The following HDAC7 variants were observed in gnomAD, a reference collection of about 807,000 sequenced individuals.
HDAC7 encodes the protein histone deacetylase 7.
HDAC7 carries 26 observed loss-of-function variants against 115.5 expected under a neutral mutation model. The ratio of observed to expected loss-of-function variants is 0.23; its 90% CI spans 0.16 to 0.31. The LOEUF (loss-of-function observed/expected upper bound fraction) is 0.31, where lower values mean the gene tolerates loss of function less well. HDAC7 is among the 10% of genes least tolerant of loss of function. The probability of loss-of-function intolerance (pLI) is 1.00; values close to 1 mark genes in which losing one functional copy is unlikely to be tolerated. For missense variants in HDAC7, 1,068 were observed against 1,329.0 expected, an observed-to-expected ratio of 0.80 and a Z score of 3.05; for synonymous variants, 564 against 550.9, an observed-to-expected ratio of 1.02 and a Z score of -0.33.
At chr12:47,819,442 G>A (rs898212262) in intron 1 of HDAC7, among the ~76,000 whole-genome samples, 12 of 152,292 alleles carry the variant, frequency 7.9e-5, no homozygotes, top group African/African-American at 2.9e-4. Context: ...ATGGGACGTG[G>A]GGCCCGCACA....
intron 1 of HDAC7, among the ~76,000 whole-genome samples, chr12:47,809,689 G>C (rs1944565854): frequency 6.6e-6 from 1 of 151,944 alleles, no homozygotes; most frequent in South Asian, 2.1e-4. Context: ...TCCTGCCTCA[G>C]CCTCCTAAGT....
intron 2 of HDAC7, among the ~76,000 whole-genome samples, chr12:47,800,467 C>T (rs978050415): frequency 2.6e-5 from 4 of 152,202 alleles, no homozygotes; most frequent in African/African-American, 7.2e-5. Flanking sequence ...CCATGTCCCC[C>T]GAATATCAAG....
intron 21 of HDAC7, 90 bp downstream of exon 21, chr12:47,787,622 A>G: frequency 1.2e-6 from 1 of 833,014 alleles, no homozygotes; most frequent in South Asian, 1.7e-5. Context: ...GGACAGGCTG[A>G]CAATCCAACT....
chr12:47,786,181 CCT>C (rs1296499243), intron 22 of HDAC7, among the ~76,000 whole-genome samples: 1 of 152,076 alleles, frequency 6.6e-6, no homozygotes, highest in East Asian at 1.9e-4. Context: ...TGAGCTACAC[CCT>C]CTCTTCTTTC....
chr12:47,791,868 C>T lies in HDAC7; in HGVS notation c.1812+3G>A. 6.2e-7 allele frequency: 1 copy of T among 1,611,176 alleles called. No homozygotes were observed. The highest frequency in any genetic ancestry group is 1.3e-5 in the African/African-American group (1 of 74,826). ...TCCTCGGGCCCCACCCGCGCCTCCT[C>T]ACCTCACACTGGCTCCGGAGCCCCC... is the stretch of plus-strand genomic sequence containing the variant. On this transcript the variant is annotated splice_donor_region_variant and intron_variant, in intron 14 of 25. Transcript: ENST00000080059.
chr12:47,791,671 C>T lies in HDAC7; in HGVS notation c.1848G>A (p.Leu616=). The T allele has an allele frequency of 4.3e-6, 7 of 1,613,752 alleles. No homozygotes were observed. Among genetic ancestry groups the T allele is most frequent in the South Asian group, 1.1e-5 (1 of 91,062 alleles). Residue 616 remains leucine (L), a synonymous_variant, in exon 15 of 26, where the codon CTG becomes CTA. Coordinates refer to ENST00000080059, the MANE Select transcript of HDAC7 (RefSeq NM_015401.5). ...LRGRKASLEE[L]QSVHSERHVL... ...CGTGCCGCTCAGAGTGGACCGACTG[C>T]AGCTCTTCCAGGGAGGCCTTCCGGC...
chr12:47,783,630 C>G lies in HDAC7; in HGVS notation c.*211G>C, dbSNP rs1038705527. 5.0e-6 allele frequency: 3 copies of G among 603,298 alleles called. No individual in the cohort carries two copies. Among genetic ancestry groups the G allele is most frequent in the Non-Finnish European group, 8.9e-6 (3 of 335,910 alleles). 37.4% of individuals were successfully genotyped at this position (603,298 alleles called of 1,614,324 possible). A position where few individuals can be genotyped will look rare whatever the true frequency, so the allele number is the denominator to read the frequency against. ...GCCCTGTGGGGGTCGCCGCCCAGCC[C>G]GTCTCCTCTCAGGGTCCTCTCCAGT... On this transcript the variant is annotated 3_prime_UTR_variant, in exon 26 of 26. Transcript: ENST00000080059.
chr12:47,805,102 G>A (rs1403477872), intron 1 of HDAC7, among the ~76,000 whole-genome samples: 1 of 148,066 alleles, frequency 6.8e-6, no homozygotes, highest in Non-Finnish European at 1.5e-5. Context: ...GTACGGTCTT[G>A]TTCTGATGCC....
chr12:47,787,562 G>C, intron 21 of HDAC7, 150 bp downstream of exon 21: 2 of 609,576 alleles, frequency 3.3e-6, no homozygotes, highest in Non-Finnish European at 5.8e-6. Context: ...TCTTCTCTCT[G>C]TTTGTCCTAT....
intron 14 of HDAC7, 70 bp downstream of exon 14, chr12:47,791,801 G>GCCCCCCCCCCCCCCCCCCCCCAAAACCCA: frequency 6.6e-7 from 1 of 1,511,074 alleles, no homozygotes; most frequent in Non-Finnish European, 9.0e-7. Flanking sequence ...GGGCCCCAGG[G>GCCCCCCCCCCCCCCCCCCCCCAAAACCCA]CCCCCCACCC....
intron 1 of HDAC7, chr12:47,817,594 G>C (rs984560276): frequency 1.3e-5 from 2 of 152,372 alleles, no homozygotes; most frequent in Non-Finnish European, 2.9e-5. Flanking sequence ...GAGCCAAGCT[G>C]TGGAGGGTGG....
At chr12:47,796,446 CAG>C (rs1943850374) in intron 7 of HDAC7, 148 bp from the exon 8 acceptor site, 1 of 485,872 alleles carries the variant, frequency 2.1e-6, no homozygotes, top group African/African-American at 2.4e-5. Flanking sequence ...TTTTTTGAGA[CAG>C]AGTCTTGCTC....
chr12:47,783,907 G>T, intron 25 of HDAC7, 21 bp from the exon 26 acceptor site: 2 of 1,612,986 alleles, frequency 1.2e-6, no homozygotes, highest in Non-Finnish European at 1.7e-6. Context: ...GGACAAGGGT[G>T]GGATGCTGGA....
intron 24 of HDAC7, chr12:47,785,104 C>G (rs1285525508): frequency 1.8e-6 from 1 of 554,246 alleles, no homozygotes. Context: ...TTGCTCTTGA[C>G]CTGGCCCTGG....
In HDAC7 at chr12:47,795,419, AG is replaced by A. The variant is rs1943761638; in HGVS notation, c.1088-40del. The A allele has an allele frequency of 6.8e-7, 1 of 1,474,972 alleles. No homozygotes were observed. The highest frequency in any genetic ancestry group is 9.2e-7 in the Non-Finnish European group (1 of 1,086,340). 91.4% of individuals were successfully genotyped at this position (1,474,972 alleles called of 1,614,324 possible). A position where few individuals can be genotyped will look rare whatever the true frequency, so the allele number is the denominator to read the frequency against. On this transcript the variant is annotated intron_variant, in intron 10 of 25. Transcript: ENST00000080059. This position sits in a 1 kb window ranked among gnomAD's most constrained non-coding sequence, Gnocchi z 4.3. ...GGGGGTGGAATAAGGAGGGAACCACAGGGAGCAATGGAAGGAAGCGAGGGTA... is the reference window on the plus strand; with the variant it reads ...GGGGGTGGAATAAGGAGGGAACCACAGGAGCAATGGAAGGAAGCGAGGGTA...
intron 21 of HDAC7, among the ~76,000 whole-genome samples, chr12:47,787,175 A>G (rs1045416221): frequency 1.3e-5 from 2 of 152,034 alleles, no homozygotes; most frequent in Non-Finnish European, 2.9e-5. Context: ...TGAGTAGGGG[A>G]CAACTAGGTC....
intron 1 of HDAC7, chr12:47,819,156 A>C (rs963179341): frequency 6.6e-6 from 1 of 152,276 alleles, no homozygotes; most frequent in Non-Finnish European, 1.5e-5. Flanking sequence ...ATGGGTGAGC[A>C]AGGATGGGGG....
At chr12:47,796,074 T>A in intron 8 of HDAC7, 58 bp from the exon 9 acceptor site, 1 of 1,530,352 alleles carries the variant, frequency 6.5e-7, no homozygotes, top group Non-Finnish European at 8.9e-7. Context: ...CGGCGCACCT[T>A]CCCCAGAACA....
chr12:47,791,038 G>T (rs1259288604), intron 16 of HDAC7: 1 of 607,696 alleles, frequency 1.6e-6, no homozygotes, highest in South Asian at 1.9e-5. Flanking sequence ...CTAGGGGAAG[G>T]CTTAGGCTGG....
Sources: allele counts gnomAD v4.1 joint callset (sites outside exome capture counted in the v4.1 genomes callset), GRCh38; gene constraint gnomAD v4.1.1; non-coding constraint Gnocchi (gnomAD v3.1); transcripts MANE v1.5; gene names NCBI Gene and HGNC (gene_info 2026-07-23, HGNC 2026-07-21).